Variants in KIF26A observed in about 807,000 individuals in gnomAD.
The protein encoded by KIF26A is kinesin family member 26A, also known as kinesin-like protein KIF26A.
Under a neutral mutation model 126.0 loss-of-function variants are expected in KIF26A, and 74 were observed. The ratio of observed to expected loss-of-function variants is 0.59; its 90% CI spans 0.49 to 0.71. The LOEUF is 0.71. Among genes scored for constraint, KIF26A ranks in the 30% least tolerant of loss-of-function variants. The pLI, the probability that KIF26A is intolerant of heterozygous loss-of-function variation, is 0.00. For missense variants in KIF26A, 2,984 were observed against 2,763.3 expected (o/e 1.08, Z -1.79); for synonymous variants, 1,445 against 1,232.7 (o/e 1.17, Z -3.61).
intron 2 of KIF26A, among the ~76,000 whole-genome samples, chr14:104,140,648 G>C (rs2037629266): frequency 6.6e-6 from 1 of 152,138 alleles, no homozygotes; most frequent in African/African-American, 2.4e-5. Flanking sequence ...TAGTGGAGAG[G>C]GCTGCAGGTG....
chr14:104,176,128 CTCAGCGAGG>C lies in KIF26A; in HGVS notation c.3347_3355del (p.Glu1116_Ser1118del). The C allele has an allele frequency of 6.3e-7, 1 of 1,581,186 alleles. No homozygotes were observed. Among genetic ancestry groups the C allele is most frequent in the Non-Finnish European group, 8.6e-7 (1 of 1,164,506 alleles). ...TCACGGCTCCTCCATCAGCTCCTGG[CTCAGCGAGG>C]TCAGCGTCTGCACTGCCGACAGCCG... On this transcript the variant is annotated inframe_deletion, in exon 12 of 15. Transcript: ENST00000423312.
chr14:104,170,724 C>T (rs549611565), intron 5 of KIF26A, among the ~76,000 whole-genome samples: 1 of 152,202 alleles, frequency 6.6e-6, no homozygotes, highest in Non-Finnish European at 1.5e-5. Flanking sequence ...CTCCTGGCAT[C>T]GACGCACCAG....
At chr14:104,177,965 C>A in intron 12 of KIF26A, 67 bp downstream of exon 12, 1 of 1,394,972 alleles carries the variant, frequency 7.2e-7, no homozygotes, top group Non-Finnish European at 9.3e-7. Flanking sequence ...GCACAGCCCT[C>A]TACAGTTTAC....
At chr14:104,172,768 T>G (rs958249548) in intron 7 of KIF26A, 100 bp downstream of exon 7, 154 of 1,119,172 alleles carry the variant, frequency 1.4e-4, no homozygotes, top group Non-Finnish European at 1.4e-4. Context: ...AGGAGGCTGG[T>G]CCTACACATG....
intron 7 of KIF26A, 54 bp from the exon 8 acceptor site, chr14:104,172,923 A>G: frequency 6.6e-7 from 1 of 1,507,088 alleles, no homozygotes; most frequent in Admixed American, 2.1e-5. Context: ...GCCAGTAGCC[A>G]TAAAGGCTCC....
chr14:104,163,580 C>G (rs11625345), intron 4 of KIF26A, among the ~76,000 whole-genome samples: 105,595 of 150,748 alleles, frequency 0.7, 38,446 homozygotes, highest in African/African-American at 0.91. Context: ...CCGGGCCCCA[C>G]GATGCAGGTG....
chr14:104,158,503 G>A (rs866521315), intron 4 of KIF26A, among the ~76,000 whole-genome samples: 4 of 152,306 alleles, frequency 2.6e-5, no homozygotes, highest in Admixed American at 6.5e-5. Context: ...GGTGCCAGCC[G>A]GGCTTGTGGT....
chr14:104,152,764 C>T lies in KIF26A; in HGVS notation c.735+303C>T, dbSNP rs2037742536. On this transcript the variant is annotated intron_variant, in intron 3 of 14. Transcript: ENST00000423312. The surrounding 1 kb of genome is among the most constrained non-coding windows in gnomAD (Gnocchi z 5.9). ...CACCAGTGCCCAGCACAGGGCTTGG[C>T]GATGCACAGGGCACCGTGTGTAGAT... Among the ~76,000 whole-genome samples, 1 of 152,166 alleles carries T rather than the reference C, an allele frequency of 6.6e-6. No individual in the cohort carries two copies. The highest frequency in any genetic ancestry group is 1.5e-5 in the Non-Finnish European group (1 of 68,008).
intron 2 of KIF26A, among the ~76,000 whole-genome samples, chr14:104,150,912 C>T (rs898827032): frequency 6.6e-6 from 1 of 152,116 alleles, no homozygotes; most frequent in Non-Finnish European, 1.5e-5. Context: ...GGCTGGGTGC[C>T]CTATAGCTGA....
Position 104,177,594 on chromosome 14 carries a change from G to A in KIF26A, c.4806G>A (p.Arg1602=). The part of the protein sequence containing the change: ...HDSGVNVGEE[R]PPTGPALPSP... ...GCGGCGTGAACGTGGGGGAGGAGCG[G>A]CCACCCACGGGCCCGGCCCTGCCCT... Residue 1602 remains arginine, a synonymous_variant, in exon 12 of 15, where the codon CGG becomes CGA. Transcript: ENST00000423312. 6.5e-7 allele frequency: 1 copy of A among 1,531,320 alleles called. No individual in the cohort carries two copies. The highest frequency in any genetic ancestry group is 8.7e-7 in the Non-Finnish European group (1 of 1,143,856). The allele number at this position is 1,531,320 out of a possible 1,614,324, so 94.9% of individuals were successfully genotyped here. A position where few individuals can be genotyped will look rare whatever the true frequency, so the allele number is the denominator to read the frequency against.
At chr14:104,172,204 G>A (rs113225586) in intron 6 of KIF26A, among the ~76,000 whole-genome samples, 1 of 152,256 alleles carries the variant, frequency 6.6e-6, no homozygotes, top group Non-Finnish European at 1.5e-5. Flanking sequence ...GAAGCTTTCC[G>A]AGCAGCTGTT....
Position 104,177,025 on chromosome 14 carries a change from C to A in KIF26A, c.4237C>A (p.Pro1413Thr), listed in dbSNP as rs779407737. 6.4e-7 allele frequency: 1 copy of A among 1,567,644 alleles called. No homozygotes were observed. The highest frequency in any genetic ancestry group is 1.3e-5 in the African/African-American group (1 of 74,422). ...RPSSRADHSVPRATSSLKARA... is the reference protein window; with the variant it reads ...RPSSRADHSVTRATSSLKARA... ...CAGCAGCCGGGCTGACCACTCTGTC[C>A]CCAGGGCCACGTCCAGCCTGAAGGC... The change falls in exon 12 of 15, where the codon CCC (proline) becomes ACC (threonine). Residue 1413 changes from proline (P) to threonine (T), a missense_variant. Pro to Thr is a conservative substitution (Grantham distance 38). Transcript: ENST00000423312.
chr14:104,150,295 G>A (rs1038360550), intron 2 of KIF26A, among the ~76,000 whole-genome samples: 8 of 150,492 alleles, frequency 5.3e-5, no homozygotes, highest in Non-Finnish European at 1.0e-4. Flanking sequence ...AGGAGGGAGG[G>A]GCATTGGCTA....
chr14:104,175,042 C>A lies in KIF26A; in HGVS notation c.2254C>A (p.Pro752Thr), dbSNP rs2038001594. ...SCEEGRARRPPHLRPFHPRTV... is the reference protein window; with the variant it reads ...SCEEGRARRPTHLRPFHPRTV... ...TGAGGAAGGCCGGGCCCGTCGGCCC[C>A]CGCACCTGCGGCCCTTCCACCCACG... is the stretch of plus-strand genomic sequence containing the variant. The change falls in exon 12 of 15, where the codon CCG (proline) becomes ACG (threonine). Residue 752 changes from proline (P) to threonine (T), a missense_variant. Pro to Thr is a conservative substitution (Grantham distance 38). Transcript: ENST00000423312. 2 of 1,571,398 alleles carry A rather than the reference C, an allele frequency of 1.3e-6. No homozygotes were observed. Among genetic ancestry groups the A allele is most frequent in the African/African-American group, 2.7e-5 (2 of 74,178 alleles).
intron 3 of KIF26A, among the ~76,000 whole-genome samples, chr14:104,154,672 G>A (rs2037760362): frequency 6.6e-6 from 1 of 152,260 alleles, no homozygotes; most frequent in Admixed American, 6.5e-5. Flanking sequence ...ACCACCAGAG[G>A]CTGCCATGGT....
Position 104,141,518 on chromosome 14 carries a change from G to A in KIF26A, c.288+2230G>A, listed in dbSNP as rs994600318. ...CTTCCTGCCTGTCTCCGTTGTAGAG[G>A]GAGGCGTAGAGGGTCGGGGCCCAGC... On this transcript the variant is annotated intron_variant, in intron 2 of 14. Transcript: ENST00000423312. Among the ~76,000 whole-genome samples, 130 of 152,234 alleles carry A rather than the reference G, an allele frequency of 8.5e-4. 1 individual carries two copies. Among genetic ancestry groups the A allele is most frequent in the Non-Finnish European group, 8.8e-4 (60 of 67,974 alleles).
chr14:104,170,774 G>A (rs1321384746), intron 5 of KIF26A, among the ~76,000 whole-genome samples: 1 of 152,248 alleles, frequency 6.6e-6, no homozygotes, highest in African/African-American at 2.4e-5. Context: ...GATGGGTTTC[G>A]GAGTGTTTGC....
intron 12 of KIF26A, 89 bp from the exon 13 acceptor site, chr14:104,178,461 A>G (rs536605252): frequency 6.1e-6 from 6 of 990,774 alleles, no homozygotes; most frequent in Admixed American, 7.2e-5. Context: ...CCCTGTCAGG[A>G]CTCGGGCCGG....
rs746876740 is a variant in KIF26A at position 104,176,257 on chromosome 14, A to G, written c.3469A>G (p.Ser1157Gly). The G allele has an allele frequency of 1.1e-5, 18 of 1,597,126 alleles. No homozygotes were observed. The highest frequency in any genetic ancestry group is 3.4e-6 in the Non-Finnish European group (4 of 1,171,970). The part of the protein sequence containing the change: ...PALDGSLGDG[S>G]SGFLGPDRPD... ...CCTGGATGGTTCCCTGGGGGATGGA[A>G]GCTCTGGGTTCCTGGGGCCAGACAG... is the stretch of plus-strand genomic sequence containing the variant. Residue 1157 changes from serine (S) to glycine (G), a missense_variant, in exon 12 of 15, where the codon AGC (serine) becomes GGC (glycine). Transcript: ENST00000423312.
Sources: gnomAD v4.1 joint callset for allele counts (sites outside exome capture counted in the v4.1 genomes callset) on GRCh38, gnomAD v4.1.1 for gene constraint, Gnocchi (gnomAD v3.1) non-coding constraint, MANE v1.5 for transcripts, NCBI Gene and HGNC (gene_info 2026-07-23, HGNC 2026-07-21) for gene names.